Variants in HDAC7 observed in about 807,000 individuals in gnomAD.
HDAC7 encodes histone deacetylase 7.
HDAC7 carries 26 observed loss-of-function variants against 115.5 expected under a neutral mutation model. That is an observed-to-expected ratio of 0.23 (90% CI 0.16 to 0.31). The LOEUF (loss-of-function observed/expected upper bound fraction) is 0.31. Among genes scored for constraint, HDAC7 ranks in the 10% least tolerant of loss-of-function variants. HDAC7 has a pLI of 1.00. For missense variants in HDAC7, 1,068 were observed against 1,329.0 expected, an observed-to-expected ratio of 0.80 and a Z score of 3.05; for synonymous variants, 564 against 550.9, an observed-to-expected ratio of 1.02 and a Z score of -0.33.
rs1942979360 is a variant in HDAC7, at chr12:47,783,554, A to C, written c.*287T>G. On this transcript the variant is annotated 3_prime_UTR_variant, in exon 26 of 26. Coordinates refer to ENST00000080059, the MANE Select transcript of HDAC7 (RefSeq NM_015401.5). ...GTCCTCCTCTGTGCAGTCCTGAGGA[A>C]TGGGGGCCACAGCCAGGGCCCATAC... is the stretch of plus-strand genomic sequence containing the variant. 2.1e-6 allele frequency: 1 copy of C among 474,864 alleles called. No individual in the cohort carries two copies. Among genetic ancestry groups the C allele is most frequent in the Non-Finnish European group, 3.9e-6 (1 of 258,204 alleles). 29.4% of individuals were successfully genotyped at this position (474,864 alleles called of 1,614,324 possible). A position where few individuals can be genotyped will look rare whatever the true frequency, so the allele number is the denominator to read the frequency against.
In HDAC7 at chr12:47,783,550, A is replaced by G. The variant is rs546884150; in HGVS notation, c.*291T>C. 1.5e-5 allele frequency: 7 copies of G among 475,678 alleles called. No individual in the cohort carries two copies. The highest frequency in any genetic ancestry group is 2.7e-5 in the Non-Finnish European group (7 of 258,654). The allele number at this position is 475,678 out of a possible 1,614,324, so 29.5% of individuals were successfully genotyped here. A position where few individuals can be genotyped will look rare whatever the true frequency, so the allele number is the denominator to read the frequency against. ...GCCAGTCCTCCTCTGTGCAGTCCTGAGGAATGGGGGCCACAGCCAGGGCCC... is the reference window on the plus strand; with the variant it reads ...GCCAGTCCTCCTCTGTGCAGTCCTGGGGAATGGGGGCCACAGCCAGGGCCC... On this transcript the variant is annotated 3_prime_UTR_variant, in exon 26 of 26. Coordinates refer to ENST00000080059, the MANE Select transcript of HDAC7 (RefSeq NM_015401.5).
At chr12:47,799,923 G>C (rs1030473659) in intron 2 of HDAC7, among the ~76,000 whole-genome samples, 14 of 152,156 alleles carry the variant, frequency 9.2e-5, no homozygotes, top group African/African-American at 3.4e-4. Context: ...CCCATGGGAG[G>C]GCACACAAGT....
rs192475049 is a variant in HDAC7, at chr12:47,789,880, T to C, written c.2024A>G (p.Asn675Ser). The C allele has an allele frequency of 1.6e-5, 26 of 1,613,816 alleles. No individual in the cohort carries two copies. Among genetic ancestry groups the C allele is most frequent in the African/African-American group, 4.0e-5 (3 of 75,072 alleles). Reference sequence around the variant, plus strand: ...ACTGCCAGCGGCCCAGCGGGCTGCATTGGAGGAATGAAGCTCATTCCAGAT... The same window carrying C: ...ACTGCCAGCGGCCCAGCGGGCTGCACTGGAGGAATGAAGCTCATTCCAGAT... ...DTIWNELHSS[N>S]AARWAAGSVT... The change falls in exon 17 of 26, where the codon AAT becomes AGT. Residue 675 changes from asparagine to serine, a missense_variant. Physicochemically the swap from Asn to Ser is conservative, Grantham distance 46. Around this residue, in one of 6 missense-constraint regions of HDAC7, gnomAD observed 182 missense variants for 301.1 expected, o/e 0.60. Coordinates refer to ENST00000080059, the MANE Select transcript of HDAC7 (RefSeq NM_015401.5).
chr12:47,820,989 G>A (rs1945004716), upstream of HDAC7, among the ~76,000 whole-genome samples: 1 of 152,170 alleles, frequency 6.6e-6, no homozygotes, highest in Admixed American at 6.5e-5. The surrounding 1 kb of genome is among the most constrained non-coding windows in gnomAD (Gnocchi z 4.3). Context: ...TGGGCTAGCC[G>A]GTCAGCCGTG....
chr12:47,785,560 C>G (rs1243208278), intron 23 of HDAC7, 89 bp from the exon 24 acceptor site: 1 of 1,413,422 alleles, frequency 7.1e-7, no homozygotes, highest in East Asian at 2.3e-5. Flanking sequence ...CTTCTAGCCA[C>G]AAGCACACTC....
At chr12:47,796,929 G>A (rs1303187758) in intron 7 of HDAC7, 88 bp downstream of exon 7, 1 of 1,426,714 alleles carries the variant, frequency 7.0e-7, no homozygotes, top group Non-Finnish European at 9.2e-7. Context: ...CCTAAGGAGG[G>A]GACCCCTGTC....
At chr12:47,816,408 C>A (rs1355168250) in intron 1 of HDAC7, among the ~76,000 whole-genome samples, 1 of 152,122 alleles carries the variant, frequency 6.6e-6, no homozygotes, top group Non-Finnish European at 1.5e-5. Context: ...AGGTGTGCAC[C>A]ATACAGATGA....
intron 16 of HDAC7, chr12:47,790,994 C>G (rs1943464617): frequency 3.5e-6 from 2 of 566,702 alleles, no homozygotes; most frequent in East Asian, 6.2e-5. Flanking sequence ...TGGCCCTGCT[C>G]CTGAAACCTC....
intron 1 of HDAC7, among the ~76,000 whole-genome samples, chr12:47,811,581 T>C (rs1471622046): frequency 6.6e-6 from 1 of 152,206 alleles, no homozygotes; most frequent in Non-Finnish European, 1.5e-5. Flanking sequence ...GATGCGTCTG[T>C]GATGTTTTTT....
chr12:47,787,258 C>A (rs1489159984), intron 21 of HDAC7, among the ~76,000 whole-genome samples: 1 of 152,030 alleles, frequency 6.6e-6, no homozygotes, highest in Non-Finnish European at 1.5e-5. Context: ...CAGCTGCCTT[C>A]CTCTACCCCT....
At chr12:47,791,821 C>CCCCAAA in intron 14 of HDAC7, 50 bp downstream of exon 14, 1 of 1,541,200 alleles carries the variant, frequency 6.5e-7, no homozygotes, top group Non-Finnish European at 8.9e-7. Flanking sequence ...CCTCCCCTCC[C>CCCCAAA]ATGACTCCTC....
Position 47,798,289 on chromosome 12 carries a change from T to A in HDAC7, c.350-70A>T. The A allele has an allele frequency of 8.2e-7, 1 of 1,218,166 alleles. No individual in the cohort carries two copies. The highest frequency in any genetic ancestry group is 1.2e-6 in the Non-Finnish European group (1 of 824,906). The allele number at this position is 1,218,166 out of a possible 1,614,324, so 75.5% of individuals were successfully genotyped here. A position where few individuals can be genotyped will look rare whatever the true frequency, so the allele number is the denominator to read the frequency against. On this transcript the variant is annotated intron_variant, in intron 4 of 25. Coordinates refer to ENST00000080059, the MANE Select transcript of HDAC7 (RefSeq NM_015401.5). The surrounding 1 kb of genome is among the most constrained non-coding windows in gnomAD (Gnocchi z 4.3). ...CGGCCTCGTGGCACTACCTGGCCAC[T>A]GCCCTGTCCCCATCCTCAGTAGGAG...
chr12:47,790,906 G>A (rs1943458172), intron 16 of HDAC7: 1 of 366,548 alleles, frequency 2.7e-6, no homozygotes, highest in East Asian at 6.0e-5. Context: ...TGCCACTTAA[G>A]AGCAGACAGA....
chr12:47,809,201 C>T (rs1944541392), intron 1 of HDAC7, among the ~76,000 whole-genome samples: 1 of 152,148 alleles, frequency 6.6e-6, no homozygotes, highest in South Asian at 2.1e-4. Flanking sequence ...TCCTTCTCCC[C>T]TCTGAGGTGT....
Position 47,795,843 on chromosome 12 carries a change from A to G in HDAC7, c.906+63T>C. On this transcript the variant is annotated intron_variant, in intron 9 of 25. Coordinates refer to ENST00000080059, the MANE Select transcript of HDAC7 (RefSeq NM_015401.5). The surrounding 1 kb of genome is among the most constrained non-coding windows in gnomAD (Gnocchi z 4.3). ...AATGAAGATGATGGGGTGAGGCAGCAAGAAAAGGGAGTGAAAGAAGCTGGG... is the reference window on the plus strand; with the variant it reads ...AATGAAGATGATGGGGTGAGGCAGCGAGAAAAGGGAGTGAAAGAAGCTGGG... 1 of 1,494,812 alleles carries G rather than the reference A, an allele frequency of 6.7e-7. No individual in the cohort carries two copies. Among genetic ancestry groups the G allele is most frequent in the South Asian group, 1.2e-5 (1 of 82,560 alleles). 92.6% of individuals were successfully genotyped at this position (1,494,812 alleles called of 1,614,324 possible). A position where few individuals can be genotyped will look rare whatever the true frequency, so the allele number is the denominator to read the frequency against.
rs764790473 is a variant in HDAC7 at position 47,791,894 on chromosome 12, G to A, written c.1789C>T (p.Arg597Trp). Residue 597 changes from arginine to tryptophan, a missense_variant, in exon 14 of 26, where the codon CGG (arginine) becomes TGG (tryptophan). This residue lies in a region of HDAC7 where 618 missense variants were observed against 701.5 expected (regional missense o/e 0.88). Transcript: ENST00000080059. ...IQSIWSRLQE[R>W]GLRSQCECLR... ...ACCTCACACTGGCTCCGGAGCCCCC[G>A]CTCCTGCAGCCGGGACCAGATGCTC... The A allele has an allele frequency of 1.0e-5, 14 of 1,405,906 alleles. No homozygotes were observed. Among genetic ancestry groups the A allele is most frequent in the Non-Finnish European group, 1.2e-5 (13 of 1,051,254 alleles). 87.1% of individuals were successfully genotyped at this position (1,405,906 alleles called of 1,614,324 possible).
At position 47,789,293 on chromosome 12, in the gene HDAC7, T is replaced by C; in HGVS notation, c.2203A>G (p.Ser735Gly). The C allele has an allele frequency of 6.2e-7, 1 of 1,614,058 alleles. No individual in the cohort carries two copies. The highest frequency in any genetic ancestry group is 8.5e-7 in the Non-Finnish European group (1 of 1,179,992). Residue 735 changes from serine (S) to glycine (G), a missense_variant, in exon 19 of 26, where the codon AGC becomes GGC. Physicochemically the swap from Ser to Gly is moderately conservative, Grantham distance 56 (BLOSUM62 0). Around this residue, in one of 6 missense-constraint regions of HDAC7, gnomAD observed 182 missense variants for 301.1 expected, o/e 0.60. Coordinates refer to ENST00000080059, the MANE Select transcript of HDAC7 (RefSeq NM_015401.5). ...ACAATGAGGATCTTGCTGGCCTTGC[T>C]CTGCTGTTGCAGCTGCCGGCAGGCG... ...AIACRQLQQQ[S>G]KASKILIVDW...
At chr12:47,796,061 C>A (rs1445813460) in intron 8 of HDAC7, 45 bp from the exon 9 acceptor site, 2 of 1,536,110 alleles carry the variant, frequency 1.3e-6, no homozygotes. Flanking sequence ...CAGACCTCTA[C>A]CCCGGCGCAC....
Position 47,798,954 on chromosome 12 carries a change from G to C in HDAC7, c.89C>G (p.Ala30Gly), listed in dbSNP as rs201130165. The C allele has an allele frequency of 2.6e-6, 4 of 1,514,814 alleles. No individual in the cohort carries two copies. The highest frequency in any genetic ancestry group is 3.5e-6 in the Non-Finnish European group (4 of 1,135,272). 93.8% of individuals were successfully genotyped at this position (1,514,814 alleles called of 1,614,324 possible). ...CTGCGGCTGAGGGCCTGGTGTGTCT[G>C]CACAGGGCCTGGGGCAGCCTAGGGA... ...PTGAGCPRPC[A>G]DTPGPQPQPM... Residue 30 changes from alanine to glycine, a missense_variant, in exon 3 of 26, where the codon GCA (alanine) becomes GGA (glycine). Physicochemically the swap from Ala to Gly is moderately conservative, Grantham distance 60 (BLOSUM62 0). Around this residue, in one of 6 missense-constraint regions of HDAC7, gnomAD observed 161 missense variants for 158.5 expected, o/e 1.02. Transcript: ENST00000080059. The surrounding 1 kb of genome is among the most constrained non-coding windows in gnomAD (Gnocchi z 4.3).
Sources: allele counts gnomAD v4.1 joint callset (sites outside exome capture counted in the v4.1 genomes callset), GRCh38; gene constraint gnomAD v4.1.1; regional missense constraint gnomAD v4.1.1; non-coding constraint Gnocchi (gnomAD v3.1); transcripts MANE v1.5; gene names NCBI Gene and HGNC (gene_info 2026-07-23, HGNC 2026-07-21).